The following EFCAB11 variants were observed in gnomAD, a reference collection of about 807,000 sequenced individuals.
EFCAB11 encodes the protein EF-hand calcium binding domain 11, also known as EF-hand calcium-binding domain-containing protein 11.
Under a neutral mutation model 23.0 loss-of-function variants are expected in EFCAB11, and 14 were observed. The ratio of observed to expected loss-of-function variants is 0.61; its 90% CI spans 0.40 to 0.95. The LOEUF is 0.95. Among genes scored for constraint, EFCAB11 ranks in the 40% least tolerant of loss-of-function variants. EFCAB11 has a pLI of 0.00. For missense variants in EFCAB11, 198 were observed against 195.8 expected (o/e 1.01, Z -0.07); for synonymous variants, 65 against 66.6 (o/e 0.98, Z 0.11).
intron 5 of EFCAB11, among the ~76,000 whole-genome samples, chr14:89,904,543 A>G (rs887781008): frequency 6.6e-6 from 1 of 152,184 alleles, no homozygotes; most frequent in Non-Finnish European, 1.5e-5. Flanking sequence ...TCCTTGAGGA[A>G]TCGCCACACT....
intron 5 of EFCAB11, among the ~76,000 whole-genome samples, chr14:89,891,872 C>T (rs1232992765): frequency 1.3e-5 from 2 of 152,006 alleles, no homozygotes; most frequent in Non-Finnish European, 2.9e-5. Context: ...GTCGCTGCTG[C>T]GGAGCTACGT....
At chr14:89,843,632 T>C (rs1282847454) in intron 5 of EFCAB11, among the ~76,000 whole-genome samples, 2 of 152,230 alleles carry the variant, frequency 1.3e-5, no homozygotes, top group African/African-American at 2.4e-5. Flanking sequence ...GTGTAGAATT[T>C]GAAAACATAT....
intron 5 of EFCAB11, among the ~76,000 whole-genome samples, chr14:89,834,398 A>AC (rs1566776968): frequency 8.3e-5 from 12 of 145,274 alleles, no homozygotes; most frequent in African/African-American, 1.5e-4. Context: ...AAAAAAAAAA[A>AC]AAAAACCTTT....
At chr14:89,811,264 G>A (rs1006351727) in intron 5 of EFCAB11, among the ~76,000 whole-genome samples, 2 of 152,108 alleles carry the variant, frequency 1.3e-5, no homozygotes, top group Non-Finnish European at 2.9e-5. Flanking sequence ...TGCATGGGCT[G>A]GAACTATTCA....
chr14:89,930,001 C>T (rs1890335945), intron 5 of EFCAB11, among the ~76,000 whole-genome samples: 1 of 152,108 alleles, frequency 6.6e-6, no homozygotes, highest in African/African-American at 2.4e-5. Context: ...TTTTTAGTTC[C>T]TTTGTTAAAA....
chr14:89,830,590 T>C (rs949300303), intron 5 of EFCAB11: 1 of 152,240 alleles, frequency 6.6e-6, no homozygotes, highest in Non-Finnish European at 1.5e-5. Flanking sequence ...GGATGTAATA[T>C]AAAACGAGCC....
At chr14:89,914,945 T>C (rs1889789521) in intron 5 of EFCAB11, among the ~76,000 whole-genome samples, 1 of 151,688 alleles carries the variant, frequency 6.6e-6, no homozygotes, top group African/African-American at 2.4e-5. Context: ...GGCTAAACAG[T>C]AAAGGGTTAA....
chr14:89,873,892 A>G (rs1191277845), intron 5 of EFCAB11, among the ~76,000 whole-genome samples: 1 of 152,160 alleles, frequency 6.6e-6, no homozygotes, highest in East Asian at 1.9e-4. Context: ...TTCCAGGTAC[A>G]CGATCCAAGC....
chr14:89,810,505 C>T (rs1194959326), intron 5 of EFCAB11, among the ~76,000 whole-genome samples: 5 of 152,080 alleles, frequency 3.3e-5, no homozygotes, highest in Admixed American at 2.0e-4. Context: ...TCACTGAACA[C>T]ATTGAGTAAC....
intron 5 of EFCAB11, among the ~76,000 whole-genome samples, chr14:89,841,685 T>G (rs1341577037): frequency 6.6e-6 from 1 of 152,074 alleles, no homozygotes; most frequent in Non-Finnish European, 1.5e-5. Flanking sequence ...TAGTCTGGAT[T>G]CTGTTACTTC....
At chr14:89,896,433 C>T (rs1315533475) in intron 5 of EFCAB11, among the ~76,000 whole-genome samples, 1 of 151,738 alleles carries the variant, frequency 6.6e-6, no homozygotes, top group African/African-American at 2.4e-5. Context: ...GGATGCCCAT[C>T]AACAGAATAT....
At chr14:89,867,722 T>C (rs1888138101) in intron 5 of EFCAB11, among the ~76,000 whole-genome samples, 1 of 152,230 alleles carries the variant, frequency 6.6e-6, no homozygotes. Flanking sequence ...TAGTATGAAT[T>C]AGTTAAATCA....
intron 5 of EFCAB11, among the ~76,000 whole-genome samples, chr14:89,852,956 A>C (rs1169256252): frequency 6.6e-6 from 1 of 152,166 alleles, no homozygotes; most frequent in Non-Finnish European, 1.5e-5. Context: ...GCCCCTGGCA[A>C]CCACCATTCT....
chr14:89,834,390 A>C (rs1038729197), intron 5 of EFCAB11, among the ~76,000 whole-genome samples: 3 of 149,278 alleles, frequency 2.0e-5, no homozygotes, highest in South Asian at 2.1e-4. Context: ...AAAAAAAAAA[A>C]AAAAAAAAAA....
intron 5 of EFCAB11, among the ~76,000 whole-genome samples, chr14:89,850,302 C>T (rs865816503): frequency 3.3e-5 from 5 of 152,214 alleles, no homozygotes; most frequent in African/African-American, 1.2e-4. Context: ...ATTAATCCTA[C>T]CTGCCTTACA....
chr14:89,908,015 C>A (rs964072952), intron 5 of EFCAB11, among the ~76,000 whole-genome samples: 9 of 152,212 alleles, frequency 5.9e-5, no homozygotes, highest in Admixed American at 2.0e-4. Context: ...TTTATCACTC[C>A]CTCACATCTA....
chr14:89,836,315 C>A, intron 5 of EFCAB11: 1 of 287,694 alleles, frequency 3.5e-6, no homozygotes, highest in South Asian at 3.4e-5. Context: ...TCTATTGGAC[C>A]AGGAGATATG....
intron 5 of EFCAB11, among the ~76,000 whole-genome samples, chr14:89,877,876 A>T (rs1888488272): frequency 6.6e-6 from 1 of 152,150 alleles, no homozygotes; most frequent in African/African-American, 2.4e-5. Context: ...ACCACTCTCA[A>T]CCTCAAAACA....
At chr14:89,864,446 A>G (rs1317803318) in intron 5 of EFCAB11, among the ~76,000 whole-genome samples, 2 of 148,768 alleles carry the variant, frequency 1.3e-5, no homozygotes, top group East Asian at 3.9e-4. Context: ...TTTTTTTCAG[A>G]TGGGGTCTCA....
Sources: allele counts gnomAD v4.1 joint callset (sites outside exome capture counted in the v4.1 genomes callset), GRCh38; gene constraint gnomAD v4.1.1; transcripts MANE v1.5; gene names NCBI Gene and HGNC (gene_info 2026-07-23, HGNC 2026-07-21).